The following DPP10 variants were observed in gnomAD, a reference collection of about 807,000 sequenced individuals.
DPP10 encodes inactive dipeptidyl peptidase 10.
DPP10 carries 33 observed loss-of-function variants against 120.9 expected under a neutral mutation model. That is an observed-to-expected ratio of 0.27 (90% confidence interval 0.21 to 0.37). The LOEUF is 0.37. Ranked by LOEUF, DPP10 falls within the 10% of genes least tolerant of loss-of-function variation. The pLI is 1.00. For synonymous variants in DPP10, 337 were observed against 326.1 expected, an observed-to-expected ratio of 1.03 and a Z score of -0.36; for missense variants, 816 against 942.8, an observed-to-expected ratio of 0.87 and a Z score of 1.76.
At chr2:115,138,204 C>T (rs2050746920) in intron 1 of DPP10, among the ~76,000 whole-genome samples, 2 of 151,864 alleles carry the variant, frequency 1.3e-5, no homozygotes, top group African/African-American at 4.8e-5. Context: ...TTTTTTAGTG[C>T]CCTATTGAAC....
At chr2:115,098,278 G>GT (rs960644172) in intron 1 of DPP10, among the ~76,000 whole-genome samples, 1 of 152,140 alleles carries the variant, frequency 6.6e-6, no homozygotes, top group African/African-American at 2.4e-5. Flanking sequence ...GAAATAGATG[G>GT]TTTAAAATGG....
intron 1 of DPP10, among the ~76,000 whole-genome samples, chr2:115,296,867 C>T (rs1410472819): frequency 6.6e-6 from 1 of 151,894 alleles, no homozygotes; most frequent in East Asian, 1.9e-4. Flanking sequence ...AATAGGCTGA[C>T]TCTATACTAA....
intron 1 of DPP10, among the ~76,000 whole-genome samples, chr2:115,171,234 G>T (rs1450264033): frequency 6.6e-6 from 1 of 151,766 alleles, no homozygotes; most frequent in South Asian, 2.1e-4. Context: ...GGTGCCACAT[G>T]CCTATAATCC....
At chr2:115,511,720 T>G (rs1249307723) in intron 4 of DPP10, among the ~76,000 whole-genome samples, 2 of 128,432 alleles carry the variant, frequency 1.6e-5, no homozygotes, top group African/African-American at 6.4e-5. Context: ...CTTCTTCTTC[T>G]TCTTCTTCTT....
At chr2:115,064,629 C>G (rs1452864885) in intron 1 of DPP10, 1 of 1,269,144 alleles carries the variant, frequency 7.9e-7, no homozygotes, top group South Asian at 1.3e-5. Context: ...GCTTCCTGTA[C>G]TTATATGTGA....
chr2:115,121,586 A>G (rs141882629), intron 1 of DPP10, among the ~76,000 whole-genome samples: 39 of 152,230 alleles, frequency 2.6e-4, no homozygotes, highest in African/African-American at 9.4e-4. Context: ...CTTGTGGCAG[A>G]GGGGGCAGGC....
chr2:115,709,208 T>C (rs1444054480), intron 7 of DPP10, among the ~76,000 whole-genome samples: 2 of 152,050 alleles, frequency 1.3e-5, no homozygotes, highest in African/African-American at 4.8e-5. Flanking sequence ...AGTGTGGGTA[T>C]CAAGTAAGTT....
intron 5 of DPP10, among the ~76,000 whole-genome samples, chr2:115,549,069 T>C (rs980675714): frequency 2.0e-5 from 3 of 152,158 alleles, no homozygotes; most frequent in Admixed American, 1.3e-4. Context: ...TCAGGCCTCT[T>C]AGTTCCCTCC....
chr2:114,669,519 C>T (rs1467319352), intron 1 of DPP10, among the ~76,000 whole-genome samples: 2 of 152,086 alleles, frequency 1.3e-5, no homozygotes, highest in Non-Finnish European at 2.9e-5. Flanking sequence ...TTCTTTCTCA[C>T]TACAGATCAT....
At chr2:115,800,527 T>C (rs1421880080) in intron 19 of DPP10, among the ~76,000 whole-genome samples, 1 of 152,148 alleles carries the variant, frequency 6.6e-6, no homozygotes, top group Non-Finnish European at 1.5e-5. Context: ...TTGTCCTGAA[T>C]GGTGTTGCCT....
intron 1 of DPP10, among the ~76,000 whole-genome samples, chr2:115,092,799 A>G (rs1304199419): frequency 6.6e-6 from 1 of 152,146 alleles, no homozygotes. Flanking sequence ...AGCAAATACA[A>G]TAATAAGTGA....
At chr2:114,637,888 C>A (rs577515526) in intron 1 of DPP10, among the ~76,000 whole-genome samples, 1 of 151,710 alleles carries the variant, frequency 6.6e-6, no homozygotes, top group Non-Finnish European at 1.5e-5. Context: ...GTTACTGTAG[C>A]GCTGTAGTAT....
At chr2:114,740,451 T>TA (rs1422574742) in intron 1 of DPP10, among the ~76,000 whole-genome samples, 19 of 150,564 alleles carry the variant, frequency 1.3e-4, no homozygotes, top group Non-Finnish European at 4.4e-5. Context: ...GGCACATGTA[T>TA]ACATATGTAA....
chr2:115,626,594 C>T (rs2085380949), intron 5 of DPP10, among the ~76,000 whole-genome samples: 1 of 151,922 alleles, frequency 6.6e-6, no homozygotes, highest in African/African-American at 2.4e-5. Context: ...ACATTGTTTT[C>T]TGTATATATT....
At chr2:114,884,531 T>A (rs1691896565) in intron 1 of DPP10, among the ~76,000 whole-genome samples, 1 of 152,198 alleles carries the variant, frequency 6.6e-6, no homozygotes, top group Non-Finnish European at 1.5e-5. Context: ...ATCTGACTCT[T>A]ACTCCTCTGT....
chr2:115,389,305 A>ACTCATT (rs2106532297), intron 3 of DPP10, among the ~76,000 whole-genome samples: 1 of 147,760 alleles, frequency 6.8e-6, no homozygotes, highest in South Asian at 2.2e-4. Flanking sequence ...ACACACTCAT[A>ACTCATT]CTCATTCTAC....
At chr2:114,608,255 G>T (rs1016464877) in intron 1 of DPP10, among the ~76,000 whole-genome samples, 1 of 6,026 alleles carries the variant, frequency 1.7e-4, no homozygotes, top group Non-Finnish European at 3.0e-4. Flanking sequence ...TGGTTTGGAT[G>T]ATCAGTGCCA....
intron 7 of DPP10, among the ~76,000 whole-genome samples, chr2:115,690,578 A>T (rs62155261): frequency 0.077 from 11,764 of 152,036 alleles, 642 homozygotes; most frequent in Non-Finnish European, 0.11. Context: ...AGGTCTGGCT[A>T]GCTTTTATAT....
intron 1 of DPP10, among the ~76,000 whole-genome samples, chr2:114,672,164 TA>T (rs1313522770): frequency 2.0e-5 from 3 of 152,148 alleles, no homozygotes; most frequent in African/African-American, 7.2e-5. Context: ...TGCAAGAAAT[TA>T]CTAAAGCCAG....
Sources: allele counts gnomAD v4.1 joint callset (sites outside exome capture counted in the v4.1 genomes callset), GRCh38; gene constraint gnomAD v4.1.1; transcripts MANE v1.5; gene names NCBI Gene and HGNC (gene_info 2026-07-23, HGNC 2026-07-21).